The following ZFHX3 variants were observed in gnomAD, a reference collection of about 807,000 sequenced individuals.
ZFHX3 encodes zinc finger homeobox protein 3.
Under a neutral mutation model 279.1 loss-of-function variants are expected in ZFHX3, and 42 were observed. That is an observed-to-expected ratio of 0.15 (90% CI 0.12 to 0.19). ZFHX3 has a LOEUF of 0.19. Ranked by LOEUF, ZFHX3 falls within the 10% of genes least tolerant of loss-of-function variation. The pLI is 1.00. For missense variants in ZFHX3, 4,981 were observed against 4,754.0 expected (o/e 1.05, Z -1.40); for synonymous variants, 2,293 against 1,957.8 (o/e 1.17, Z -4.52).
At chr16:73,622,071 T>C (rs1327432351) in intron 2 of ZFHX3, among the ~76,000 whole-genome samples, 2 of 152,244 alleles carry the variant, frequency 1.3e-5, no homozygotes, top group African/African-American at 2.4e-5. Context: ...CTGGCTCACC[T>C]GACCCAAAAC....
intron 4 of ZFHX3, among the ~76,000 whole-genome samples, chr16:73,316,011 T>A (rs771848895): frequency 2.4e-4 from 36 of 151,926 alleles, no homozygotes; most frequent in Non-Finnish European, 4.9e-4. Context: ...TTAGTGGGGG[T>A]TGGAAACCGC....
chr16:73,017,275 G>A (rs1964136325), intron 1 of ZFHX3, among the ~76,000 whole-genome samples: 1 of 151,892 alleles, frequency 6.6e-6, no homozygotes, highest in Admixed American at 6.6e-5. Context: ...AGGCTGAGTG[G>A]GCAATTTGAA....
intron 4 of ZFHX3, among the ~76,000 whole-genome samples, chr16:72,832,592 A>C (rs1397287067): frequency 6.6e-6 from 1 of 152,238 alleles, no homozygotes; most frequent in Non-Finnish European, 1.5e-5. Context: ...TGCGTGGTAG[A>C]AGAAGAAATG....
chr16:73,571,751 T>A (rs1342482338), intron 2 of ZFHX3, among the ~76,000 whole-genome samples: 1 of 152,196 alleles, frequency 6.6e-6, no homozygotes, highest in African/African-American at 2.4e-5. Context: ...AAACACTAAG[T>A]CGAAATTCAT....
At chr16:73,304,989 T>G (rs1160490715) in intron 4 of ZFHX3, among the ~76,000 whole-genome samples, 1 of 152,082 alleles carries the variant, frequency 6.6e-6, no homozygotes, top group Non-Finnish European at 1.5e-5. Flanking sequence ...GATTCCAGAT[T>G]CAGCATTTCC....
chr16:73,179,596 G>T (rs1160007716), intron 5 of ZFHX3, among the ~76,000 whole-genome samples: 1 of 152,170 alleles, frequency 6.6e-6, no homozygotes, highest in African/African-American at 2.4e-5. Context: ...AACTGCTCAC[G>T]TGGAAATTGG....
At chr16:72,998,404 A>T (rs1963368913) in intron 1 of ZFHX3, among the ~76,000 whole-genome samples, 1 of 152,238 alleles carries the variant, frequency 6.6e-6, no homozygotes, top group Admixed American at 6.5e-5. Context: ...CTGTCTCAAA[A>T]AATAATAATA....
intron 5 of ZFHX3, among the ~76,000 whole-genome samples, chr16:73,253,569 A>G (rs1408518456): frequency 1.3e-5 from 2 of 150,824 alleles, no homozygotes; most frequent in Admixed American, 6.6e-5. Flanking sequence ...CTCCTGCCTC[A>G]GCCTCCCTAG....
At chr16:73,459,767 T>A (rs1421578639) in intron 2 of ZFHX3, among the ~76,000 whole-genome samples, 1 of 152,068 alleles carries the variant, frequency 6.6e-6, no homozygotes, top group Non-Finnish European at 1.5e-5. Flanking sequence ...GGCGCCTTCC[T>A]CACAAGGTGG....
At chr16:72,988,066 G>A (rs1260632111) in intron 1 of ZFHX3, among the ~76,000 whole-genome samples, 4 of 152,084 alleles carry the variant, frequency 2.6e-5, no homozygotes, top group Non-Finnish European at 5.9e-5. Context: ...AATAACTTCA[G>A]CAAAAAACAT....
At chr16:73,145,073 C>T (rs913215663) in intron 5 of ZFHX3, among the ~76,000 whole-genome samples, 4 of 152,194 alleles carry the variant, frequency 2.6e-5, no homozygotes, top group African/African-American at 9.6e-5. Context: ...GTGCTGAAAG[C>T]CCCCATGGTT....
At chr16:73,472,200 C>T (rs923360987) in intron 2 of ZFHX3, among the ~76,000 whole-genome samples, 1 of 151,682 alleles carries the variant, frequency 6.6e-6, no homozygotes, top group Non-Finnish European at 1.5e-5. Flanking sequence ...TATCAAAAGC[C>T]CCACAGCCGC....
intron 2 of ZFHX3, among the ~76,000 whole-genome samples, chr16:72,957,170 A>G (rs1466831171): frequency 6.6e-6 from 1 of 152,230 alleles, no homozygotes; most frequent in African/African-American, 2.4e-5. Flanking sequence ...AAACTAGAGG[A>G]AACACTCACA....
rs75879097 is a variant in ZFHX3, at chr16:73,724,682, C to T, written c.-1607-44442G>A. Among the ~76,000 whole-genome samples, 1,159 of 152,336 alleles carry T rather than the reference C, an allele frequency of 7.6e-3. 23 individuals are homozygous for T. Among genetic ancestry groups the T allele is most frequent in the African/African-American group, 0.027 (1,113 of 41,574 alleles). On this transcript the variant is annotated intron_variant, in intron 1 of 17. Transcript: ENST00000641206. Reference sequence around the variant, plus strand: ...ACTGGAGAGAAGCTAGCCCCAAATTCCTCTGCCTAGCAACTTCCTCGGTTT... The same window carrying T: ...ACTGGAGAGAAGCTAGCCCCAAATTTCTCTGCCTAGCAACTTCCTCGGTTT...
intron 3 of ZFHX3, among the ~76,000 whole-genome samples, chr16:72,949,559 T>A (rs1158522982): frequency 6.6e-6 from 1 of 151,648 alleles, no homozygotes; most frequent in Non-Finnish European, 1.5e-5. Context: ...CACCTCCCCC[T>A]CGGTTGCCGT....
intron 3 of ZFHX3, among the ~76,000 whole-genome samples, chr16:73,396,789 G>C (rs7499951): frequency 0.64 from 96,885 of 152,062 alleles, 31,589 homozygotes; most frequent in Non-Finnish European, 0.72. Context: ...TTAAAGATGA[G>C]AGTTGGGTGG....
intron 5 of ZFHX3, among the ~76,000 whole-genome samples, chr16:73,155,558 CATGCCTATA>C (rs1967057063): frequency 6.6e-6 from 1 of 152,198 alleles, no homozygotes; most frequent in Admixed American, 6.5e-5. Context: ...CACAGTGGCT[CATGCCTATA>C]ATCCCAGCAC....
intron 2 of ZFHX3, among the ~76,000 whole-genome samples, chr16:73,562,796 C>G (rs1365098075): frequency 2.6e-5 from 4 of 151,784 alleles, no homozygotes; most frequent in Non-Finnish European, 5.9e-5. Context: ...TTTTTAAAAG[C>G]CTTTCTATGA....
At chr16:72,837,531 T>G (rs1406590142) in intron 4 of ZFHX3, among the ~76,000 whole-genome samples, 1 of 146,464 alleles carries the variant, frequency 6.8e-6, no homozygotes, top group Non-Finnish European at 1.5e-5. Context: ...CAGGCTGGAG[T>G]GCAGTGGTGC....
Sources: gnomAD v4.1 joint callset for allele counts (sites outside exome capture counted in the v4.1 genomes callset) on GRCh38, gnomAD v4.1.1 for gene constraint, MANE v1.5 for transcripts, NCBI Gene and HGNC (gene_info 2026-07-23, HGNC 2026-07-21) for gene names.